SYT16: variants seen among roughly 807,000 people sequenced by gnomAD.
SYT16 encodes the protein synaptotagmin-16.
SYT16 carries 42 observed loss-of-function variants against 61.4 expected under a neutral mutation model. That is an observed-to-expected ratio of 0.68 (90% CI 0.53 to 0.89). The LOEUF (loss-of-function observed/expected upper bound fraction) is 0.89. SYT16 is among the 40% of genes least tolerant of loss of function. The pLI is 0.00. For missense variants in SYT16, 804 were observed against 807.3 expected, an observed-to-expected ratio of 1.00 and a Z score of 0.05; for synonymous variants, 314 against 302.3, an observed-to-expected ratio of 1.04 and a Z score of -0.40.
chr14:61,936,606 G>A (rs1424549880), intron 1 of SYT16, among the ~76,000 whole-genome samples: 1 of 152,144 alleles, frequency 6.6e-6, no homozygotes, highest in Non-Finnish European at 1.5e-5. Flanking sequence ...ATGTAATGAT[G>A]TTGCTGCACC....
At chr14:62,079,247 T>A in intron 5 of SYT16, 1 of 539,100 alleles carries the variant, frequency 1.9e-6, no homozygotes, top group South Asian at 4.0e-5. Flanking sequence ...ACTAAGTACC[T>A]CTGAATAGAA....
chr14:61,983,992 G>T (rs1347712296), intron 2 of SYT16, among the ~76,000 whole-genome samples: 1 of 152,160 alleles, frequency 6.6e-6, no homozygotes, highest in Non-Finnish European at 1.5e-5. Flanking sequence ...CCTACTTTTA[G>T]GGCATAAACC....
intron 1 of SYT16, among the ~76,000 whole-genome samples, chr14:61,857,949 C>A (rs934127691): frequency 2.0e-5 from 3 of 151,694 alleles, no homozygotes; most frequent in African/African-American, 7.3e-5. Flanking sequence ...CAGCAGACAG[C>A]ATCAGTGGAT....
intron 2 of SYT16, among the ~76,000 whole-genome samples, chr14:61,983,990 T>C (rs1023446823): frequency 6.6e-6 from 1 of 152,238 alleles, no homozygotes; most frequent in Admixed American, 6.5e-5. Context: ...AACCTACTTT[T>C]AGGGCATAAA....
chr14:62,107,310 A>G lies in SYT16; in HGVS notation c.*6603A>G, dbSNP rs1181663994. ...TCGCTGGGTATGGTGGTGTGCGCCT[A>G]TAGTCCCAGCTCCTCAGGAAGCTGA... is the stretch of plus-strand genomic sequence containing the variant. On this transcript the variant is annotated 3_prime_UTR_variant, in exon 8 of 8. Transcript: ENST00000683842. 2.6e-5 allele frequency: 4 copies of G among 151,926 alleles called. No individual in the cohort carries two copies. The highest frequency in any genetic ancestry group is 5.9e-5 in the Non-Finnish European group (4 of 68,052). 9.4% of individuals were successfully genotyped at this position (151,926 alleles called of 1,614,324 possible).
At chr14:62,070,154 C>T (rs1489375217) in intron 4 of SYT16, among the ~76,000 whole-genome samples, 1 of 152,168 alleles carries the variant, frequency 6.6e-6, no homozygotes, top group Non-Finnish European at 1.5e-5. Context: ...GAAAATGTCA[C>T]GTACTTGTCC....
intron 1 of SYT16, among the ~76,000 whole-genome samples, chr14:61,848,316 C>T (rs1394087296): frequency 6.6e-6 from 1 of 152,186 alleles, no homozygotes; most frequent in Non-Finnish European, 1.5e-5. Flanking sequence ...GTGGCTCTTG[C>T]AGACTTAGGT....
At chr14:61,880,791 G>T (rs988822) in intron 1 of SYT16, among the ~76,000 whole-genome samples, 27,120 of 151,730 alleles carry the variant, frequency 0.18, 3,669 homozygotes, top group African/African-American at 0.38. Flanking sequence ...TATTCTTATA[G>T]GCAGCCAGTT....
intron 2 of SYT16, among the ~76,000 whole-genome samples, chr14:61,972,508 A>G (rs1255640405): frequency 6.6e-6 from 1 of 152,202 alleles, no homozygotes; most frequent in Non-Finnish European, 1.5e-5. Flanking sequence ...AGGGAGCTTT[A>G]AAAATAGTTT....
chr14:61,839,518 A>G (rs972496521), intron 1 of SYT16, among the ~76,000 whole-genome samples: 1 of 152,162 alleles, frequency 6.6e-6, no homozygotes, highest in African/African-American at 2.4e-5. Flanking sequence ...ATGAGATGAT[A>G]TTTTAGCTGT....
intron 3 of SYT16, among the ~76,000 whole-genome samples, chr14:62,006,655 A>G (rs947129464): frequency 6.6e-6 from 1 of 152,188 alleles, no homozygotes; most frequent in Non-Finnish European, 1.5e-5. Flanking sequence ...CAGAGAGACT[A>G]CTTATAGTGT....
chr14:61,943,652 T>C (rs566434368), intron 1 of SYT16, among the ~76,000 whole-genome samples: 135 of 152,318 alleles, frequency 8.9e-4, no homozygotes, highest in Middle Eastern at 3.4e-3. Flanking sequence ...TCTCAATAGA[T>C]GCAGAAAAGG....
At chr14:61,863,852 C>CCAT (rs1566635394) in intron 1 of SYT16, among the ~76,000 whole-genome samples, 1 of 152,114 alleles carries the variant, frequency 6.6e-6, no homozygotes, top group Non-Finnish European at 1.5e-5. Flanking sequence ...TGTTCCAGCA[C>CCAT]CAGTCGTGGA....
At chr14:61,968,123 T>C (rs1199849141) in intron 1 of SYT16, among the ~76,000 whole-genome samples, 1 of 152,070 alleles carries the variant, frequency 6.6e-6, no homozygotes, top group Non-Finnish European at 1.5e-5. Context: ...TAGCTGGGTA[T>C]GGTGGCGCAT....
At chr14:61,972,428 A>G (rs914375815) in intron 2 of SYT16, among the ~76,000 whole-genome samples, 1 of 152,240 alleles carries the variant, frequency 6.6e-6, no homozygotes, top group Admixed American at 6.5e-5. Context: ...ACAATAAAGC[A>G]TGAACAAAAG....
At chr14:61,836,038 C>G (rs1488579332) in intron 1 of SYT16, among the ~76,000 whole-genome samples, 1 of 152,150 alleles carries the variant, frequency 6.6e-6, no homozygotes, top group Non-Finnish European at 1.5e-5. Flanking sequence ...TGTATCAGAT[C>G]CACTGATTGA....
intron 1 of SYT16, among the ~76,000 whole-genome samples, chr14:61,945,779 C>T (rs1441554345): frequency 6.7e-6 from 1 of 149,160 alleles, no homozygotes; most frequent in Non-Finnish European, 1.5e-5. Flanking sequence ...TGGCGTGAAC[C>T]CGGGAGGCGG....
chr14:61,909,420 G>A (rs1053705667), intron 1 of SYT16, among the ~76,000 whole-genome samples: 1 of 152,116 alleles, frequency 6.6e-6, no homozygotes. Context: ...GCCAGGGAGC[G>A]AATCTTTCTT....
At chr14:61,987,141 G>GT (rs1335399861) in intron 2 of SYT16, among the ~76,000 whole-genome samples, 1 of 152,150 alleles carries the variant, frequency 6.6e-6, no homozygotes, top group Non-Finnish European at 1.5e-5. Flanking sequence ...AAAGTGAAGT[G>GT]TAACCTGGGA....
Sources: allele counts gnomAD v4.1 joint callset (sites outside exome capture counted in the v4.1 genomes callset), GRCh38; gene constraint gnomAD v4.1.1; transcripts MANE v1.5; gene names NCBI Gene and HGNC (gene_info 2026-07-23, HGNC 2026-07-21).